The following ZSCAN30 variants were observed in gnomAD, a reference collection of about 807,000 sequenced individuals.
ZSCAN30 encodes the protein zinc finger and SCAN domain-containing protein 30.
ZSCAN30 carries 37 observed loss-of-function variants against 44.3 expected under a neutral mutation model. The observed-to-expected ratio is 0.84, with a 90% CI of 0.64 to 1.10. ZSCAN30 has a LOEUF of 1.10. ZSCAN30 is among the 50% of genes least tolerant of loss of function. ZSCAN30 has a pLI of 0.00. For synonymous variants in ZSCAN30, 181 were observed against 204.6 expected (o/e 0.88, Z 0.98); for missense variants, 549 against 582.6 (o/e 0.94, Z 0.59).
chr18:35,272,325 C>T (rs11878157), intron 1 of ZSCAN30, among the ~76,000 whole-genome samples: 4,110 of 150,766 alleles, frequency 0.027, 171 homozygotes, highest in African/African-American at 0.095. Flanking sequence ...CCACCGTGCC[C>T]GGCCCATATC....
rs762153567 is a variant in ZSCAN30 at position 35,253,996 on chromosome 18, G to C, written c.939C>G (p.Ser313Arg). ...TTCTCTGATGTCTAATCAGCTTTGAGCTCTGGCAAAAGGCCTTCCCACAGT... is the reference window on the plus strand; with the variant it reads ...TTCTCTGATGTCTAATCAGCTTTGACCTCTGGCAAAAGGCCTTCCCACAGT... ...CFDCGKAFCQ[S>R]SKLIRHQRIH... Residue 313 changes from serine to arginine, a missense_variant, in exon 4 of 4, where the codon AGC (serine) becomes AGG (arginine). Coordinates refer to ENST00000333206, the MANE Select transcript of ZSCAN30 (RefSeq NM_001112734.4). The C allele has an allele frequency of 7.4e-6, 12 of 1,614,194 alleles. No homozygotes were observed. In the Admixed American group the frequency reaches 2.0e-4, roughly 27 times the overall value.
chr18:35,263,921 C>G, intron 2 of ZSCAN30, 24 bp downstream of exon 2: 1 of 1,601,334 alleles, frequency 6.2e-7, no homozygotes, highest in South Asian at 1.1e-5. Flanking sequence ...ATAGATCAAA[C>G]AAACAAAAAT....
At chr18:35,276,449 T>C (rs2044368722) in intron 1 of ZSCAN30, among the ~76,000 whole-genome samples, 1 of 152,058 alleles carries the variant, frequency 6.6e-6, no homozygotes, top group African/African-American at 2.4e-5. Context: ...GAGGAAAAAA[T>C]GGTTTTGTGG....
At chr18:35,257,918 T>C in intron 3 of ZSCAN30, 1 of 781,044 alleles carries the variant, frequency 1.3e-6, no homozygotes, top group Non-Finnish European at 2.4e-6. Context: ...CTTCTCTCTC[T>C]CCATTACAGA....
chr18:35,254,809 T>C (rs1213722762), intron 3 of ZSCAN30, among the ~76,000 whole-genome samples: 3 of 152,138 alleles, frequency 2.0e-5, no homozygotes, highest in Admixed American at 1.3e-4. Context: ...TCTATCAATA[T>C]AGGAGAGCAG....
At chr18:35,262,488 A>C (rs907932559) in intron 3 of ZSCAN30, 7 of 152,242 alleles carry the variant, frequency 4.6e-5, no homozygotes, top group Non-Finnish European at 1.0e-4. Flanking sequence ...GCCAGCTGGC[A>C]TGCTGTGAGC....
intron 1 of ZSCAN30, among the ~76,000 whole-genome samples, chr18:35,272,256 C>G (rs1021389447): frequency 1.3e-5 from 2 of 152,206 alleles, no homozygotes; most frequent in Non-Finnish European, 2.9e-5. Flanking sequence ...TCTCGAACTC[C>G]TGACCTCAAA....
intron 1 of ZSCAN30, among the ~76,000 whole-genome samples, chr18:35,276,782 C>T (rs1057077002): frequency 3.9e-5 from 6 of 152,190 alleles, no homozygotes; most frequent in Non-Finnish European, 8.8e-5. Flanking sequence ...GGGATGGAGT[C>T]CCCACACAGA....
At chr18:35,283,310 G>C (rs984968790) in intron 1 of ZSCAN30, 5 of 152,268 alleles carry the variant, frequency 3.3e-5, no homozygotes, top group Non-Finnish European at 7.3e-5. Context: ...AGAATAGCTT[G>C]AACCCAGGAG....
At chr18:35,277,068 C>A (rs573075342) in intron 1 of ZSCAN30, among the ~76,000 whole-genome samples, 298 of 152,344 alleles carry the variant, frequency 2.0e-3, no homozygotes, top group Non-Finnish European at 3.2e-3. Flanking sequence ...TAAGATTTGA[C>A]TGCTCCAATG....
At position 35,253,221 on chromosome 18, in the gene ZSCAN30, T is replaced by G. The variant is rs997824347; in HGVS notation, c.*229A>C. 1 of 410,274 alleles carries G rather than the reference T, an allele frequency of 2.4e-6. No homozygotes were observed. The highest frequency in any genetic ancestry group is 3.6e-4 in the Middle Eastern group (1 of 2,816). The allele number at this position is 410,274 out of a possible 1,614,324, so 25.4% of individuals were successfully genotyped here. ...TCTCATCCAGAAATGGGTTAGGCAT[T>G]TCAAGGAAATATCTACCATTCTTTT... On this transcript the variant is annotated 3_prime_UTR_variant, in exon 4 of 4. Transcript: ENST00000333206.
At chr18:35,270,472 T>A (rs1376006874) in intron 1 of ZSCAN30, among the ~76,000 whole-genome samples, 1 of 152,262 alleles carries the variant, frequency 6.6e-6, no homozygotes, top group Non-Finnish European at 1.5e-5. Flanking sequence ...TTCCAATCAC[T>A]AATTCTTTCT....
chr18:35,267,197 G>A (rs951093625), intron 1 of ZSCAN30: 3 of 152,210 alleles, frequency 2.0e-5, no homozygotes, highest in Admixed American at 6.5e-5. Context: ...TGGCAGGAAG[G>A]AGCCCATTGG....
intron 3 of ZSCAN30, chr18:35,262,709 G>C (rs1015041670): frequency 1.3e-5 from 2 of 152,290 alleles, no homozygotes; most frequent in Non-Finnish European, 2.9e-5. Context: ...CCCAGAGTGT[G>C]GCTCCTCAGT....
rs201427463 is a variant in ZSCAN30, at chr18:35,254,051, T to G, written c.884A>C (p.Asp295Ala). The G allele has an allele frequency of 6.2e-7, 1 of 1,614,140 alleles. No individual in the cohort carries two copies. Among genetic ancestry groups the G allele is most frequent in the Non-Finnish European group, 8.5e-7 (1 of 1,180,010 alleles). The change falls in exon 4 of 4, where the codon GAC (aspartate) becomes GCC (alanine). Residue 295 changes from aspartate to alanine, a missense_variant. Physicochemically the swap from Asp to Ala is moderately radical, Grantham distance 126. Coordinates refer to ENST00000333206, the MANE Select transcript of ZSCAN30 (RefSeq NM_001112734.4). ...GCACTCATAGAGCTTTTCCCTAGTG[T>G]CAACGCTCTGTTGTGTAATATCATT... ...NSNDITQQSV[D>A]TREKLYECFD...
chr18:35,283,220 TA>T lies in ZSCAN30; in HGVS notation c.-104+6863del, dbSNP rs879891432. On this transcript the variant is annotated intron_variant, in intron 1 of 3. Coordinates refer to ENST00000333206, the MANE Select transcript of ZSCAN30 (RefSeq NM_001112734.4). The stretch of plus-strand genomic sequence containing the variant: ...CAACATGGTGAGACCCCGTCTCTAC[TA>T]AAAAAAAAAAAATACAAAAATTAGA... 7.6e-3 allele frequency: 1,054 copies of T among 138,426 alleles called. 3 individuals carry two copies. The highest frequency in any genetic ancestry group is 0.019 in the African/African-American group (671 of 35,418). 8.6% of individuals were successfully genotyped at this position (138,426 alleles called of 1,614,324 possible). A position where few individuals can be genotyped will look rare whatever the true frequency, so the allele number is the denominator to read the frequency against.
chr18:35,256,796 CAG>C lies in ZSCAN30; in HGVS notation c.554-2417_554-2416del, dbSNP rs1381995794. 3.3e-5 allele frequency among the ~76,000 whole-genome samples: 5 copies of C among 152,088 alleles called. 1 individual carries two copies. The highest frequency in any genetic ancestry group is 9.7e-5 in the African/African-American group (4 of 41,408). On this transcript the variant is annotated intron_variant, in intron 3 of 3. Coordinates refer to ENST00000333206, the MANE Select transcript of ZSCAN30 (RefSeq NM_001112734.4). ...TGTTGTTGTTTGTTTGTTTTTGAAA[CAG>C]AGTCTTGCTCTGTCACTCAGGCTGG...
At chr18:35,263,394 G>A in intron 3 of ZSCAN30, 119 bp downstream of exon 3, 2 of 1,258,394 alleles carry the variant, frequency 1.6e-6, no homozygotes, top group Non-Finnish European at 2.2e-6. Context: ...TCTAGGCAAA[G>A]AAGCCTTTCC....
At chr18:35,270,118 G>T (rs1318551414) in intron 1 of ZSCAN30, 1 of 152,124 alleles carries the variant, frequency 6.6e-6, no homozygotes. Context: ...TTTAAAAAAT[G>T]TATTAACACC....
Sources: gnomAD v4.1 joint callset for allele counts (sites outside exome capture counted in the v4.1 genomes callset) on GRCh38, gnomAD v4.1.1 for gene constraint, MANE v1.5 for transcripts, NCBI Gene and HGNC (gene_info 2026-07-23, HGNC 2026-07-21) for gene names.